The following PLCXD3 variants were observed in gnomAD, a reference collection of about 807,000 sequenced individuals.
The protein encoded by PLCXD3 is PI-PLC X domain-containing protein 3.
PLCXD3 carries 19 observed loss-of-function variants against 25.5 expected under a neutral mutation model. The ratio of observed to expected loss-of-function variants is 0.75; its 90% confidence interval spans 0.52 to 1.09. The LOEUF (loss-of-function observed/expected upper bound fraction) is 1.09. Ranked by LOEUF, PLCXD3 falls within the 50% of genes least tolerant of loss-of-function variation. PLCXD3 has a pLI of 0.00. For synonymous variants in PLCXD3, 174 were observed against 137.6 expected (o/e 1.26, Z -1.85); for missense variants, 411 against 388.1 (o/e 1.06, Z -0.50).
intron 1 of PLCXD3, among the ~76,000 whole-genome samples, chr5:41,412,128 A>T (rs950102568): frequency 6.6e-6 from 1 of 152,014 alleles, no homozygotes; most frequent in African/African-American, 2.4e-5. Context: ...TTGTCTTCTG[A>T]TAGGAACTGT....
intron 1 of PLCXD3, among the ~76,000 whole-genome samples, chr5:41,450,446 T>C (rs567811277): frequency 1.3e-5 from 2 of 152,234 alleles, no homozygotes; most frequent in Non-Finnish European, 1.5e-5. Flanking sequence ...TATTCATCAA[T>C]AGTTTAAGGA....
Position 41,307,480 on chromosome 5 carries a change from T to C in PLCXD3, c.*6137A>G, listed in dbSNP as rs1386808349. On this transcript the variant is annotated 3_prime_UTR_variant, in exon 3 of 3. Transcript: ENST00000377801. ...GCCTTTGATCTCACTGTTCTTATTT[T>C]AGGGCTTCTTGGGTTTTCAATTCCA... is the stretch of plus-strand genomic sequence containing the variant. 6.6e-6 allele frequency: 1 copy of C among 152,390 alleles called. No homozygotes were observed. Among genetic ancestry groups the C allele is most frequent in the East Asian group, 1.9e-4 (1 of 5,184 alleles). 9.4% of individuals were successfully genotyped at this position (152,390 alleles called of 1,614,324 possible).
intron 1 of PLCXD3, among the ~76,000 whole-genome samples, chr5:41,476,535 T>C (rs1748288051): frequency 6.6e-6 from 1 of 152,352 alleles, no homozygotes; most frequent in Admixed American, 6.5e-5. Context: ...ATCTTATACA[T>C]GTTGTCTCCA....
chr5:41,410,141 C>CTTTTTTTTTTT (rs5867553), intron 1 of PLCXD3, among the ~76,000 whole-genome samples: 7 of 121,398 alleles, frequency 5.8e-5, no homozygotes, highest in Non-Finnish European at 1.1e-4. Context: ...TTTTATTTAT[C>CTTTTTTTTTTT]TTTTTTTTTT....
chr5:41,323,624 G>T (rs756574255), intron 2 of PLCXD3, among the ~76,000 whole-genome samples: 2 of 152,090 alleles, frequency 1.3e-5, no homozygotes, highest in Non-Finnish European at 2.9e-5. Flanking sequence ...ACAAGTGATG[G>T]GAGAGAGCAA....
chr5:41,422,426 T>C (rs1397384371), intron 1 of PLCXD3, among the ~76,000 whole-genome samples: 1 of 152,216 alleles, frequency 6.6e-6, no homozygotes, highest in African/African-American at 2.4e-5. Flanking sequence ...TCTTTTCATA[T>C]CTGGGTAGGA....
chr5:41,345,105 C>A (rs1480185115), intron 2 of PLCXD3, among the ~76,000 whole-genome samples: 1 of 152,158 alleles, frequency 6.6e-6, no homozygotes, highest in Non-Finnish European at 1.5e-5. Context: ...TGAGTATTTT[C>A]TTTCCAAAAG....
In PLCXD3 at chr5:41,403,398, G is replaced by GTTTTTTTTTTTTTTTTTTTTTGTTTTTT. The variant is rs764950342; in HGVS notation, c.104-20865_104-20864insAAAAAACAAAAAAAAAAAAAAAAAAAAA. On this transcript the variant is annotated intron_variant, in intron 1 of 2. Coordinates refer to ENST00000377801, the MANE Select transcript of PLCXD3 (RefSeq NM_001005473.3). ...GCCATTTACCCAGATTGACTTATTT[G>GTTTTTTTTTTTTTTTTTTTTTGTTTTTT]TTGTTTTTTTTTTTTTTTATTATAC... Among the ~76,000 whole-genome samples, 2 of 33,990 alleles carry GTTTTTTTTTTTTTTTTTTTTTGTTTTTT rather than the reference G, an allele frequency of 5.9e-5. 1 individual carries two copies. The highest frequency in any genetic ancestry group is 1.3e-4 in the Non-Finnish European group (2 of 15,346). 22.3% of individuals were successfully genotyped at this position (33,990 alleles called of 152,430 possible). A position where few individuals can be genotyped will look rare whatever the true frequency, so the allele number is the denominator to read the frequency against.
intron 1 of PLCXD3, among the ~76,000 whole-genome samples, chr5:41,407,396 T>C (rs887555789): frequency 1.3e-5 from 2 of 152,182 alleles, no homozygotes; most frequent in Non-Finnish European, 2.9e-5. Context: ...AAAAAAAAAT[T>C]TCAAAATTTA....
intron 2 of PLCXD3, among the ~76,000 whole-genome samples, chr5:41,324,560 A>G (rs1007427949): frequency 1.3e-5 from 2 of 152,202 alleles, no homozygotes; most frequent in Non-Finnish European, 2.9e-5. Context: ...TAGTTTTAGA[A>G]GATAATTCTA....
At chr5:41,329,923 T>C (rs1199722963) in intron 2 of PLCXD3, among the ~76,000 whole-genome samples, 1 of 151,612 alleles carries the variant, frequency 6.6e-6, no homozygotes, top group Non-Finnish European at 1.5e-5. Flanking sequence ...GTATATGTAT[T>C]TGTGTATATA....
rs930111246 is a variant in PLCXD3 at position 41,351,179 on chromosome 5, T to A, written c.812+30647A>T. ...CTAATTTTTGGATTTCTTAGATATTTAAGAAAACAAACAATCAGGGTAGAA... is the reference window on the plus strand; with the variant it reads ...CTAATTTTTGGATTTCTTAGATATTAAAGAAAACAAACAATCAGGGTAGAA... On this transcript the variant is annotated intron_variant, in intron 2 of 2. Coordinates refer to ENST00000377801, the MANE Select transcript of PLCXD3 (RefSeq NM_001005473.3). Among the ~76,000 whole-genome samples, 3 of 152,194 alleles carry A rather than the reference T, an allele frequency of 2.0e-5. No homozygotes were observed. The South Asian group carries it at 6.2e-4, about 31-fold the overall frequency.
chr5:41,366,823 T>A (rs1164116461), intron 2 of PLCXD3, among the ~76,000 whole-genome samples: 1 of 152,160 alleles, frequency 6.6e-6, no homozygotes, highest in Non-Finnish European at 1.5e-5. Flanking sequence ...CCAGTGTGTG[T>A]CATTCCTCTC....
intron 1 of PLCXD3, among the ~76,000 whole-genome samples, chr5:41,476,276 ATTACAAGGT>A (rs901696464): frequency 6.6e-6 from 1 of 152,172 alleles, no homozygotes; most frequent in African/African-American, 2.4e-5. Context: ...GAAAGGCTTT[ATTACAAGGT>A]TTACCTTTGG....
intron 1 of PLCXD3, among the ~76,000 whole-genome samples, chr5:41,473,580 C>G (rs760967484): frequency 1.3e-5 from 2 of 151,954 alleles, no homozygotes; most frequent in African/African-American, 2.4e-5. Context: ...GTACCTGGGA[C>G]TAGCTGGGAC....
At chr5:41,456,149 A>C (rs1229539906) in intron 1 of PLCXD3, among the ~76,000 whole-genome samples, 3 of 151,836 alleles carry the variant, frequency 2.0e-5, no homozygotes, top group African/African-American at 7.3e-5. Context: ...AGTCAGAGTA[A>C]GCATCATAAT....
chr5:41,442,743 T>C (rs1372547059), intron 1 of PLCXD3, among the ~76,000 whole-genome samples: 1 of 152,188 alleles, frequency 6.6e-6, no homozygotes, highest in Admixed American at 6.5e-5. Flanking sequence ...AGTTTTCTTT[T>C]TCTGTCTCAT....
At chr5:41,430,885 C>T (rs1747082703) in intron 1 of PLCXD3, among the ~76,000 whole-genome samples, 1 of 152,190 alleles carries the variant, frequency 6.6e-6, no homozygotes, top group South Asian at 2.1e-4. Context: ...CCTGAAACTT[C>T]TGTAGCCACA....
rs148417286 is a variant in PLCXD3, at chr5:41,420,822, T to C, written c.104-38288A>G. ...ACTTTGTCACATCACCTTTGCATTG[T>C]CTGCAAGTTCTTGGTTGCCGTCACT... On this transcript the variant is annotated intron_variant, in intron 1 of 2. Coordinates refer to ENST00000377801, the MANE Select transcript of PLCXD3 (RefSeq NM_001005473.3). Among the ~76,000 whole-genome samples the C allele has an allele frequency of 3.5e-3, 528 of 152,378 alleles. 2 individuals carry two copies. The highest frequency in any genetic ancestry group is 0.012 in the African/African-American group (513 of 41,582).
Sources: allele counts gnomAD v4.1 joint callset (sites outside exome capture counted in the v4.1 genomes callset), GRCh38; gene constraint gnomAD v4.1.1; transcripts MANE v1.5; gene names NCBI Gene and HGNC (gene_info 2026-07-23, HGNC 2026-07-21).